Variants in IQSEC3 observed in about 807,000 individuals in gnomAD.
The protein encoded by IQSEC3 is IQ motif and Sec7 domain ArfGEF 3.
In IQSEC3, 50 loss-of-function variants were observed where a neutral mutation model predicts 105.4. The observed-to-expected ratio is 0.47, with a 90% CI of 0.38 to 0.60. IQSEC3 has a LOEUF of 0.60. Ranked by LOEUF, IQSEC3 falls within the 20% of genes least tolerant of loss-of-function variation. The pLI is 0.00. For synonymous variants in IQSEC3, 708 were observed against 746.0 expected (o/e 0.95, Z 0.83); for missense variants, 1,415 against 1,630.0 (o/e 0.87, Z 2.27).
chr12:76,195 C>CTGGCATTGT (rs1863519238), intron 1 of IQSEC3, among the ~76,000 whole-genome samples: 1 of 152,138 alleles, frequency 6.6e-6, no homozygotes, highest in Admixed American at 6.5e-5. Context: ...GGAAAGGAGG[C>CTGGCATTGT]TGGCATTGTG....
At chr12:74,535 G>T (rs1420626762) in intron 1 of IQSEC3, among the ~76,000 whole-genome samples, 1 of 152,280 alleles carries the variant, frequency 6.6e-6, no homozygotes, top group African/African-American at 2.4e-5. Context: ...ATCTGGGAGG[G>T]TTATGTAACT....
chr12:92,661 C>G (rs2136905980), intron 1 of IQSEC3, among the ~76,000 whole-genome samples: 1 of 152,356 alleles, frequency 6.6e-6, no homozygotes, highest in Non-Finnish European at 1.5e-5. Context: ...CCCCGCATCT[C>G]AGGATTTGCT....
chr12:174,610 C>A lies in IQSEC3; in HGVS notation c.3126C>A (p.His1042Gln), dbSNP rs1226280734. The change falls in exon 14 of 14, where the codon CAC (histidine) becomes CAA (glutamine). Residue 1042 changes from histidine (H) to glutamine (Q), a missense_variant. By Grantham distance (24) the His-to-Gln change is conservative. Coordinates refer to ENST00000538872, the MANE Select transcript of IQSEC3 (RefSeq NM_001170738.2). ...PAESTVEVSI[H>Q]NRLQTSQHNS... ...TGTTTCTAAACTAGGTGTCAATTCA[C>A]AACAGGCTTCAAACGTCCCAGCACA... The A allele has an allele frequency of 6.5e-7, 1 of 1,542,130 alleles. No individual in the cohort carries two copies. Among genetic ancestry groups the A allele is most frequent in the East Asian group, 2.3e-5 (1 of 44,272 alleles).
chr12:72,852 A>G (rs1276899016), intron 1 of IQSEC3, among the ~76,000 whole-genome samples: 43 of 117,404 alleles, frequency 3.7e-4, no homozygotes, highest in East Asian at 3.1e-3. Context: ...AGACCATCCT[A>G]GCTAACATGG....
intron 2 of IQSEC3, among the ~76,000 whole-genome samples, chr12:108,133 A>G (rs1315697773): frequency 5.9e-5 from 9 of 152,076 alleles, no homozygotes; most frequent in African/African-American, 1.9e-4. Flanking sequence ...CCTAGCTTCT[A>G]TAGAGTTTCC....
intron 5 of IQSEC3, among the ~76,000 whole-genome samples, chr12:154,107 G>A (rs782032819): frequency 2.6e-5 from 4 of 152,204 alleles, no homozygotes; most frequent in African/African-American, 9.7e-5. Flanking sequence ...GGCCCACGAG[G>A]GGTGTATTCA....
chr12:79,459 G>T (rs1358369450), intron 1 of IQSEC3, among the ~76,000 whole-genome samples: 1 of 152,014 alleles, frequency 6.6e-6, no homozygotes, highest in Non-Finnish European at 1.5e-5. Context: ...TTAAGAGATG[G>T]TGACTCTGTC....
chr12:105,273 G>A (rs1224680105), intron 2 of IQSEC3, among the ~76,000 whole-genome samples: 1 of 152,244 alleles, frequency 6.6e-6, no homozygotes, highest in Non-Finnish European at 1.5e-5. Flanking sequence ...GTTGGGATGG[G>A]GTGAAAATCC....
intron 2 of IQSEC3, among the ~76,000 whole-genome samples, chr12:124,389 CAA>C (rs55767927): frequency 6.4e-5 from 8 of 124,932 alleles, no homozygotes; most frequent in African/African-American, 2.1e-4. Flanking sequence ...AACTCCATCT[CAA>C]AAAAAAAAAA....
chr12:99,185 C>G lies in IQSEC3; in HGVS notation c.594C>G (p.Ala198=). ...TGCACCAGTTCTGCTGCCCAGCCGCCGACGCCTGCTCCGACCTGGCCTCCC... is the reference window on the plus strand; with the variant it reads ...TGCACCAGTTCTGCTGCCCAGCCGCGGACGCCTGCTCCGACCTGGCCTCCC... ...TVLHQFCCPA[A]DACSDLASQS... The change falls in exon 2 of 14, where the codon GCC becomes GCG. Residue 198 remains alanine (A), a synonymous_variant. Transcript: ENST00000538872. The G allele has an allele frequency of 2.5e-6, 4 of 1,598,958 alleles. No individual in the cohort carries two copies. Among genetic ancestry groups the G allele is most frequent in the Non-Finnish European group, 2.5e-6 (3 of 1,179,736 alleles).
At chr12:85,312 T>C (rs1177500607) in intron 1 of IQSEC3, among the ~76,000 whole-genome samples, 1 of 152,220 alleles carries the variant, frequency 6.6e-6, no homozygotes, top group Non-Finnish European at 1.5e-5. Context: ...GATCCGTCCT[T>C]TCAAGCTGGC....
chr12:92,316 A>G (rs542434792), intron 1 of IQSEC3, among the ~76,000 whole-genome samples: 128 of 152,244 alleles, frequency 8.4e-4, no homozygotes, highest in Middle Eastern at 3.4e-3. Flanking sequence ...TTTTTCATAG[A>G]GGTCCTTCCA....
intron 13 of IQSEC3, among the ~76,000 whole-genome samples, chr12:173,934 C>A (rs1194842047): frequency 6.6e-6 from 1 of 152,230 alleles, no homozygotes; most frequent in East Asian, 1.9e-4. Flanking sequence ...GGGATCCTCT[C>A]CTGCAGCCAG....
In IQSEC3 at chr12:116,293, G is replaced by A. The variant is rs562307945; in HGVS notation, c.624-9340G>A. ...AGTCTGCACTACAGTTAGAGGCTGC[G>A]ACTCTACCCCTAATTACAAGTAGGC... On this transcript the variant is annotated intron_variant, in intron 2 of 13. Transcript: ENST00000538872. 1.6e-4 allele frequency among the ~76,000 whole-genome samples: 25 copies of A among 152,260 alleles called. No individual in the cohort carries two copies. In the South Asian group the frequency reaches 4.6e-3, roughly 28 times the overall value.
At chr12:89,765 G>A (rs1192910905) in intron 1 of IQSEC3, among the ~76,000 whole-genome samples, 3 of 152,184 alleles carry the variant, frequency 2.0e-5, no homozygotes, top group African/African-American at 7.2e-5. Flanking sequence ...GTTGGCTGAT[G>A]TATCAGTAAG....
intron 3 of IQSEC3, among the ~76,000 whole-genome samples, chr12:128,985 C>A (rs1565417363): frequency 6.6e-6 from 1 of 152,230 alleles, no homozygotes; most frequent in Non-Finnish European, 1.5e-5. Context: ...CCACCCTCAC[C>A]TCTGGGCTTT....
intron 3 of IQSEC3, among the ~76,000 whole-genome samples, chr12:131,824 C>G (rs1555085207): frequency 6.6e-6 from 1 of 152,076 alleles, no homozygotes; most frequent in African/African-American, 2.4e-5. Flanking sequence ...AGGCCCAACT[C>G]TGGGATCAGT....
intron 3 of IQSEC3, among the ~76,000 whole-genome samples, chr12:135,755 G>A (rs1019980743): frequency 1.1e-4 from 17 of 152,346 alleles, no homozygotes; most frequent in African/African-American, 4.1e-4. Context: ...CATGGTAGGG[G>A]ACAGCAGGCA....
intron 1 of IQSEC3, among the ~76,000 whole-genome samples, chr12:72,093 C>G (rs541758879): frequency 9.2e-5 from 14 of 152,388 alleles, no homozygotes; most frequent in Non-Finnish European, 1.9e-4. Flanking sequence ...TCCTTACCAG[C>G]CTCCAGCTCC....
Sources: allele counts gnomAD v4.1 joint callset (sites outside exome capture counted in the v4.1 genomes callset), GRCh38; gene constraint gnomAD v4.1.1; transcripts MANE v1.5; gene names NCBI Gene and HGNC (gene_info 2026-07-23, HGNC 2026-07-21).